The following LYPLAL1 variants were observed in gnomAD, a reference collection of about 807,000 sequenced individuals.
The protein encoded by LYPLAL1 is lysophospholipase like 1, also known as lysophospholipase-like protein 1.
LYPLAL1 carries 23 observed loss-of-function variants against 19.7 expected under a neutral mutation model. The observed-to-expected ratio is 1.17, with a 90% CI of 0.84 to 1.65. The LOEUF is 1.65. Ranked by LOEUF, LYPLAL1 falls within the 40% of genes most tolerant of loss-of-function variation. LYPLAL1 has a pLI of 0.00. For missense variants in LYPLAL1, 355 were observed against 279.4 expected (o/e 1.27, Z -1.93); for synonymous variants, 119 against 96.3 (o/e 1.24, Z -1.38).
chr1:219,179,209 C>T lies in LYPLAL1; in HGVS notation c.154C>T (p.Gln52Ter), dbSNP rs755251477. The T allele has an allele frequency of 2.0e-5, 32 of 1,611,664 alleles. No individual in the cohort carries two copies. The highest frequency in any genetic ancestry group is 2.3e-5 in the Non-Finnish European group (27 of 1,178,902). Residue 52 changes from glutamine (Q) to a stop codon, truncating the protein, a stop_gained, in exon 2 of 5, where the codon CAA becomes TAA. Coordinates refer to ENST00000366928, the MANE Select transcript of LYPLAL1 (RefSeq NM_138794.5). LOFTEE classifies it high-confidence loss of function. ...GGTTTTAAATCAAGATTTAACATTC[C>T]AACACATAAAAATTATTTATCCAAC... ...KQVLNQDLTF[Q>*]HIKIIYPTAP...
chr1:219,220,797 C>T, the LYPLAL1 span, among the ~76,000 whole-genome samples: 1 of 152,088 alleles, frequency 6.6e-6, no homozygotes, highest in South Asian at 2.1e-4. Context: ...CAATAAAAGG[C>T]ACATTATTGT....
At chr1:219,199,716 G>A (rs906705586) in intron 3 of LYPLAL1, among the ~76,000 whole-genome samples, 4 of 151,516 alleles carry the variant, frequency 2.6e-5, no homozygotes, top group Non-Finnish European at 5.9e-5. Context: ...CTGGGTTCAC[G>A]CCATTCTCCT....
At chr1:219,404,316 A>T in the LYPLAL1 span, among the ~76,000 whole-genome samples, 1 of 152,100 alleles carries the variant, frequency 6.6e-6, no homozygotes, top group South Asian at 2.1e-4. Context: ...ACTTCAGTTG[A>T]TATATTAGTT....
the LYPLAL1 span, among the ~76,000 whole-genome samples, chr1:219,417,343 G>GA: frequency 6.6e-6 from 1 of 152,042 alleles, no homozygotes. Context: ...ACTTTGATAG[G>GA]AAAAATAGAA....
the LYPLAL1 span, among the ~76,000 whole-genome samples, chr1:219,281,726 A>G: frequency 6.6e-6 from 1 of 152,196 alleles, no homozygotes; most frequent in African/African-American, 2.4e-5. Flanking sequence ...ACCTGCTCCC[A>G]GGATGCCAAT....
At chr1:219,258,299 A>G in the LYPLAL1 span, among the ~76,000 whole-genome samples, 2 of 152,100 alleles carry the variant, frequency 1.3e-5, no homozygotes, top group African/African-American at 4.8e-5. Context: ...CAAAGATAAC[A>G]GGATTAAGAG....
chr1:219,435,809 T>G, the LYPLAL1 span, among the ~76,000 whole-genome samples: 6,628 of 151,878 alleles, frequency 0.044, 232 homozygotes, highest in African/African-American at 0.098. Context: ...CTGGGTGACA[T>G]AGTGAGATTC....
chr1:219,203,434 CTG>C (rs1261043714), intron 3 of LYPLAL1, among the ~76,000 whole-genome samples: 3 of 151,908 alleles, frequency 2.0e-5, no homozygotes, highest in African/African-American at 4.8e-5. Context: ...ATAAAAGAAA[CTG>C]AGAAATTTAC....
the LYPLAL1 span, among the ~76,000 whole-genome samples, chr1:219,335,693 C>T: frequency 6.6e-6 from 1 of 151,866 alleles, no homozygotes; most frequent in Non-Finnish European, 1.5e-5. Flanking sequence ...TATTCATTTA[C>T]ATATTATTTA....
At chr1:219,430,972 T>C in the LYPLAL1 span, among the ~76,000 whole-genome samples, 1 of 152,056 alleles carries the variant, frequency 6.6e-6, no homozygotes, top group African/African-American at 2.4e-5. Context: ...CCACCCATGC[T>C]CAGAACCTCG....
the LYPLAL1 span, among the ~76,000 whole-genome samples, chr1:219,276,280 G>C: frequency 1.1e-4 from 16 of 151,998 alleles, no homozygotes; most frequent in African/African-American, 3.9e-4. Flanking sequence ...TTCAGGAAAT[G>C]AAGGCCTAAT....
At chr1:219,221,569 C>T in the LYPLAL1 span, among the ~76,000 whole-genome samples, 27 of 152,230 alleles carry the variant, frequency 1.8e-4, no homozygotes, top group African/African-American at 6.0e-4. Flanking sequence ...AAGAACCCAC[C>T]GAATAGTAAA....
intron 2 of LYPLAL1, among the ~76,000 whole-genome samples, chr1:219,186,343 G>A (rs1179257109): frequency 6.6e-6 from 1 of 151,808 alleles, no homozygotes; most frequent in African/African-American, 2.4e-5. Flanking sequence ...GTATTTGAAA[G>A]CATTACACAA....
intron 2 of LYPLAL1, among the ~76,000 whole-genome samples, chr1:219,179,769 C>T (rs1656120116): frequency 6.6e-6 from 1 of 152,060 alleles, no homozygotes; most frequent in Admixed American, 6.5e-5. Context: ...GTTATATAAC[C>T]TGTAGGTGTG....
At chr1:219,184,864 T>G (rs1388207572) in intron 2 of LYPLAL1, among the ~76,000 whole-genome samples, 4 of 151,946 alleles carry the variant, frequency 2.6e-5, no homozygotes, top group Non-Finnish European at 5.9e-5. Flanking sequence ...ATGTCTGTGT[T>G]CATGAGGAAT....
chr1:219,406,253 G>A, the LYPLAL1 span, among the ~76,000 whole-genome samples: 1 of 152,172 alleles, frequency 6.6e-6, no homozygotes, highest in Non-Finnish European at 1.5e-5. Flanking sequence ...TAATGTGACA[G>A]TTTGCCTCTT....
At chr1:219,406,651 T>C in the LYPLAL1 span, among the ~76,000 whole-genome samples, 1 of 152,248 alleles carries the variant, frequency 6.6e-6, no homozygotes, top group Admixed American at 6.5e-5. Context: ...TTTGTGTTTG[T>C]TTGTTTATCA....
At chr1:219,308,020 T>G in the LYPLAL1 span, among the ~76,000 whole-genome samples, 1,041 of 152,258 alleles carry the variant, frequency 6.8e-3, 11 homozygotes, top group African/African-American at 0.023. Flanking sequence ...GTTGAATGGC[T>G]TTGACAAAAA....
At chr1:219,367,610 G>A in the LYPLAL1 span, among the ~76,000 whole-genome samples, 3 of 152,060 alleles carry the variant, frequency 2.0e-5, no homozygotes, top group East Asian at 1.9e-4. Flanking sequence ...TTGGGAAAAG[G>A]ATTAAAATAT....
Sources: allele counts gnomAD v4.1 joint callset (sites outside exome capture counted in the v4.1 genomes callset), GRCh38; gene constraint gnomAD v4.1.1; transcripts MANE v1.5; gene names NCBI Gene and HGNC (gene_info 2026-07-23, HGNC 2026-07-21).